EYS: variants seen among roughly 807,000 people sequenced by gnomAD.
EYS encodes EGF-like photoreceptor maintenance factor.
EYS carries 250 observed loss-of-function variants against 282.1 expected under a neutral mutation model. The ratio of observed to expected loss-of-function variants is 0.89; its 90% CI spans 0.80 to 0.98. The LOEUF (loss-of-function observed/expected upper bound fraction) is 0.98, where lower values mean the gene tolerates loss of function less well. Ranked by LOEUF, EYS falls within the 50% of genes least tolerant of loss-of-function variation. The probability of loss-of-function intolerance (pLI) is 0.00; values close to 1 mark genes in which losing one functional copy is unlikely to be tolerated. For synonymous variants in EYS, 1,355 were observed against 1,282.9 expected (o/e 1.06, Z -1.20); for missense variants, 4,016 against 3,709.0 (o/e 1.08, Z -2.15).
At chr6:63,918,174 AACATTTATAGTAGG>A (rs1187606901) in intron 35 of EYS, among the ~76,000 whole-genome samples, 1 of 152,232 alleles carries the variant, frequency 6.6e-6, no homozygotes, top group Non-Finnish European at 1.5e-5. Context: ...ATTACCGCAT[AACATTTATAGTAGG>A]ATCCATGCCA....
At chr6:65,236,737 A>C (rs1241331320) in intron 12 of EYS, among the ~76,000 whole-genome samples, 3 of 152,024 alleles carry the variant, frequency 2.0e-5, no homozygotes, top group Non-Finnish European at 4.4e-5. Context: ...ATAGGTAGAA[A>C]CTTTCATGTA....
intron 26 of EYS, among the ~76,000 whole-genome samples, chr6:64,448,424 C>G (rs1775195728): frequency 6.6e-6 from 1 of 152,232 alleles, no homozygotes; most frequent in Non-Finnish European, 1.5e-5. Flanking sequence ...GGCTCCACCT[C>G]TGGGGGCAGG....
At chr6:64,322,193 A>G (rs1271052103) in intron 29 of EYS, among the ~76,000 whole-genome samples, 1 of 152,038 alleles carries the variant, frequency 6.6e-6, no homozygotes, top group Admixed American at 6.6e-5. Flanking sequence ...CCTGAAAATT[A>G]ATCGACATTT....
intron 26 of EYS, among the ~76,000 whole-genome samples, chr6:64,565,366 C>A (rs79484365): frequency 6.6e-6 from 1 of 151,736 alleles, no homozygotes; most frequent in Non-Finnish European, 1.5e-5. Context: ...GATTTTTATA[C>A]GATGTGAGGT....
chr6:65,436,324 T>A (rs1768073397), intron 5 of EYS, among the ~76,000 whole-genome samples: 1 of 152,138 alleles, frequency 6.6e-6, no homozygotes, highest in Admixed American at 6.6e-5. Flanking sequence ...AGACATTATT[T>A]TTTTCATCAT....
At chr6:64,119,541 T>C (rs1773502764) in intron 31 of EYS, among the ~76,000 whole-genome samples, 1 of 152,256 alleles carries the variant, frequency 6.6e-6, no homozygotes, top group African/African-American at 2.4e-5. Context: ...TTAAACCTGT[T>C]AAATTTGTGA....
chr6:65,096,201 T>C (rs887796371), intron 12 of EYS, among the ~76,000 whole-genome samples: 1 of 150,894 alleles, frequency 6.6e-6, no homozygotes, highest in Non-Finnish European at 1.5e-5. Flanking sequence ...GTTGTGTTTT[T>C]ATATATAAAC....
At chr6:64,853,488 C>A (rs1765951854) in intron 19 of EYS, among the ~76,000 whole-genome samples, 1 of 152,078 alleles carries the variant, frequency 6.6e-6, no homozygotes, top group South Asian at 2.1e-4. Flanking sequence ...TTTGCCTCAA[C>A]CAATTGAGAT....
chr6:64,061,374 G>A (rs1301586691), intron 33 of EYS, among the ~76,000 whole-genome samples: 1 of 152,158 alleles, frequency 6.6e-6, no homozygotes, highest in African/African-American at 2.4e-5. Flanking sequence ...AAAACCAATA[G>A]CTCTCTCTAT....
chr6:65,064,588 A>T (rs965220000), intron 12 of EYS, among the ~76,000 whole-genome samples: 1 of 149,084 alleles, frequency 6.7e-6, no homozygotes, highest in Admixed American at 6.8e-5. Context: ...TATAAAAGTT[A>T]TATACTATAT....
At chr6:63,896,376 G>A (rs961883960) in intron 35 of EYS, among the ~76,000 whole-genome samples, 3 of 152,142 alleles carry the variant, frequency 2.0e-5, no homozygotes, top group Non-Finnish European at 4.4e-5. Flanking sequence ...GCATGTACCT[G>A]TTTGCTTAGT....
intron 35 of EYS, among the ~76,000 whole-genome samples, chr6:63,898,080 C>A (rs1298085218): frequency 6.6e-6 from 1 of 152,214 alleles, no homozygotes. Flanking sequence ...TTGGCAATTA[C>A]ATCATTTTCG....
chr6:65,391,518 C>T (rs1766030056), intron 7 of EYS, among the ~76,000 whole-genome samples: 1 of 152,148 alleles, frequency 6.6e-6, no homozygotes, highest in Non-Finnish European at 1.5e-5. Context: ...CATTCTTATA[C>T]ACCAACAACA....
chr6:65,521,069 C>T (rs763358441), intron 2 of EYS, among the ~76,000 whole-genome samples: 1 of 152,056 alleles, frequency 6.6e-6, no homozygotes, highest in African/African-American at 2.4e-5. Flanking sequence ...TCATTCTGAA[C>T]AAGTTTATAT....
At chr6:64,356,023 A>T (rs1208997783) in intron 29 of EYS, among the ~76,000 whole-genome samples, 1 of 151,630 alleles carries the variant, frequency 6.6e-6, no homozygotes, top group African/African-American at 2.4e-5. Flanking sequence ...TTTCTGCAAA[A>T]GCAGTAACAG....
intron 11 of EYS, among the ~76,000 whole-genome samples, chr6:65,301,221 C>T (rs1050835793): frequency 1.1e-4 from 17 of 152,222 alleles, no homozygotes; most frequent in Admixed American, 2.0e-4. Flanking sequence ...TTGGGCTGGG[C>T]GTGGTAACTC....
intron 26 of EYS, among the ~76,000 whole-genome samples, chr6:64,479,438 T>C (rs1375204454): frequency 1.3e-5 from 2 of 151,966 alleles, no homozygotes; most frequent in Non-Finnish European, 2.9e-5. Context: ...TTTACATTAC[T>C]GCCCATTATT....
chr6:63,804,584 AGCACTTGGT>A (rs1258304952), intron 37 of EYS, among the ~76,000 whole-genome samples: 1 of 152,208 alleles, frequency 6.6e-6, no homozygotes, highest in East Asian at 1.9e-4. Flanking sequence ...GAGACAGGAA[AGCACTTGGT>A]GGTTAAGGCA....
At chr6:64,458,203 G>T (rs1775624994) in intron 26 of EYS, among the ~76,000 whole-genome samples, 2 of 151,950 alleles carry the variant, frequency 1.3e-5, no homozygotes, top group East Asian at 3.9e-4. Context: ...AGATATATGT[G>T]ATTTACATAC....
Sources: allele counts gnomAD v4.1 joint callset (sites outside exome capture counted in the v4.1 genomes callset), GRCh38; gene constraint gnomAD v4.1.1; transcripts MANE v1.5; gene names NCBI Gene and HGNC (gene_info 2026-07-23, HGNC 2026-07-21).